PKIG: variants seen among roughly 807,000 people sequenced by gnomAD.
PKIG encodes cAMP-dependent protein kinase inhibitor gamma.
A neutral mutation model predicts 6.8 loss-of-function variants in PKIG; 1 was observed. The observed-to-expected ratio is 0.15, with a 90% CI of 0.05 to 0.69. The LOEUF is 0.69. PKIG is among the 30% of genes least tolerant of loss of function. PKIG has a pLI of 0.82. For synonymous variants in PKIG, 39 were observed against 43.0 expected (o/e 0.91, Z 0.36); for missense variants, 77 against 104.0 (o/e 0.74, Z 1.13).
intron 2 of PKIG, among the ~76,000 whole-genome samples, chr20:44,597,907 C>T (rs978307467): frequency 1.3e-5 from 2 of 152,242 alleles, no homozygotes; most frequent in African/African-American, 2.4e-5. Context: ...GAGATTGCTT[C>T]AGTTATCCAC....
In PKIG at chr20:44,587,462, CA is replaced by C. The variant is rs2064999440; in HGVS notation, c.-93-2331del. ...GAGGGGTGGAAAGAACACTTCCTTA[CA>C]AAATGTATGGGCCCCACCTGAGAGG... On this transcript the variant is annotated intron_variant, in intron 1 of 3. Coordinates refer to ENST00000372886, the MANE Select transcript of PKIG (RefSeq NM_001281445.2). Among the ~76,000 whole-genome samples, 3 of 152,296 alleles carry C rather than the reference CA, an allele frequency of 2.0e-5. No homozygotes were observed. The South Asian group carries it at 6.2e-4, about 32-fold the overall frequency.
chr20:44,565,334 G>A (rs1003190352), intron 1 of PKIG, among the ~76,000 whole-genome samples: 1 of 152,222 alleles, frequency 6.6e-6, no homozygotes, highest in Non-Finnish European at 1.5e-5. Flanking sequence ...TATAATAGAA[G>A]TGTTATTGGG....
intron 1 of PKIG, among the ~76,000 whole-genome samples, chr20:44,563,434 G>A (rs1412186774): frequency 6.6e-6 from 1 of 152,062 alleles, no homozygotes; most frequent in African/African-American, 2.4e-5. Context: ...AACAAGGATG[G>A]TTTGTTTCTG....
intron 3 of PKIG, among the ~76,000 whole-genome samples, chr20:44,617,919 A>G (rs1317929843): frequency 2.0e-5 from 3 of 151,776 alleles, no homozygotes; most frequent in Non-Finnish European, 2.9e-5. Flanking sequence ...AAACAAACAG[A>G]ACAGCTGCCA....
chr20:44,547,755 C>T (rs747755702), intron 1 of PKIG, among the ~76,000 whole-genome samples: 5 of 152,142 alleles, frequency 3.3e-5, no homozygotes, highest in African/African-American at 7.2e-5. Flanking sequence ...ATAGCATTGG[C>T]GGGGCGCGGT....
Position 44,618,408 on chromosome 20 carries a change from C to T in PKIG, c.*44C>T. On this transcript the variant is annotated 3_prime_UTR_variant, in exon 4 of 4. Coordinates refer to ENST00000372886, the MANE Select transcript of PKIG (RefSeq NM_001281445.2). ...AGGCTGGACGAGAGACCTTCTGTCC[C>T]CTCCCAGAGGGGGAACCCTGGCACT... 7.5e-7 allele frequency: 1 copy of T among 1,332,820 alleles called. No homozygotes were observed. The highest frequency in any genetic ancestry group is 1.1e-6 in the Non-Finnish European group (1 of 923,226). The allele number at this position is 1,332,820 out of a possible 1,614,324, so 82.6% of individuals were successfully genotyped here. A position where few individuals can be genotyped will look rare whatever the true frequency, so the allele number is the denominator to read the frequency against.
intron 2 of PKIG, among the ~76,000 whole-genome samples, chr20:44,595,038 G>C (rs1487870470): frequency 1.3e-5 from 2 of 152,164 alleles, no homozygotes; most frequent in African/African-American, 2.4e-5. Flanking sequence ...CGGCTCCCAG[G>C]ACTCTTTTTC....
chr20:44,588,479 T>TA (rs545295437), intron 1 of PKIG, among the ~76,000 whole-genome samples: 5 of 151,950 alleles, frequency 3.3e-5, no homozygotes, highest in Non-Finnish European at 7.4e-5. Context: ...CCGTCTGTAC[T>TA]AAAAAAATAC....
At chr20:44,550,190 C>A (rs1049099093) in intron 1 of PKIG, among the ~76,000 whole-genome samples, 14 of 148,076 alleles carry the variant, frequency 9.5e-5, no homozygotes, top group African/African-American at 3.5e-4. Flanking sequence ...CTCACACAAG[C>A]GTTGTTAGAT....
At chr20:44,617,320 A>C (rs111309910) in intron 3 of PKIG, among the ~76,000 whole-genome samples, 4,090 of 152,134 alleles carry the variant, frequency 0.027, 197 homozygotes, top group Admixed American at 0.14. Context: ...GGGGTTTAAG[A>C]ATGTACCACC....
intron 1 of PKIG, among the ~76,000 whole-genome samples, chr20:44,541,695 CT>C (rs554662358): frequency 2.0e-3 from 274 of 134,698 alleles, no homozygotes; most frequent in Middle Eastern, 4.0e-3. Flanking sequence ...TCTTTAGGTT[CT>C]TTTTTTTTTT....
chr20:44,558,559 C>CTTTT, intron 1 of PKIG, among the ~76,000 whole-genome samples: 2 of 148,194 alleles, frequency 1.3e-5, no homozygotes, highest in African/African-American at 5.1e-5. Flanking sequence ...ATTTCTTTTT[C>CTTTT]TTTCTTTTTT....
intron 1 of PKIG, among the ~76,000 whole-genome samples, chr20:44,562,901 A>G (rs1233149926): frequency 6.6e-6 from 1 of 152,170 alleles, no homozygotes. Flanking sequence ...TCTACTAAAA[A>G]TACAAAAATT....
In PKIG at chr20:44,618,688, C is replaced by T. The variant is rs551104735; in HGVS notation, c.*324C>T. Reference sequence around the variant, plus strand: ...AGTGAGCAGCCCACACAGGAACGCTCCTCTCGCGAGCGGCCCGGGCAGGGA... The same window carrying T: ...AGTGAGCAGCCCACACAGGAACGCTTCTCTCGCGAGCGGCCCGGGCAGGGA... On this transcript the variant is annotated 3_prime_UTR_variant, in exon 4 of 4. Transcript: ENST00000372886. 1.3e-4 allele frequency: 33 copies of T among 248,608 alleles called. No individual in the cohort carries two copies. In the South Asian group the frequency reaches 1.9e-3, roughly 14 times the overall value. The allele number at this position is 248,608 out of a possible 1,614,324, so 15.4% of individuals were successfully genotyped here.
At chr20:44,552,464 T>C (rs1195379745) in intron 1 of PKIG, among the ~76,000 whole-genome samples, 3 of 152,214 alleles carry the variant, frequency 2.0e-5, no homozygotes, top group Non-Finnish European at 2.9e-5. Context: ...TTCTTGATAA[T>C]TGGAGTAGCC....
At chr20:44,576,184 TG>T (rs1600865611) in intron 1 of PKIG, among the ~76,000 whole-genome samples, 1 of 151,820 alleles carries the variant, frequency 6.6e-6, no homozygotes, top group East Asian at 1.9e-4. Flanking sequence ...TGTGTGTGTG[TG>T]TGTGTGTGTG....
intron 2 of PKIG, among the ~76,000 whole-genome samples, chr20:44,590,099 CAGAA>C (rs1333297718): frequency 1.3e-5 from 2 of 151,738 alleles, no homozygotes; most frequent in Admixed American, 6.6e-5. Context: ...TTAATAGCAT[CAGAA>C]AGAAAATTTA....
At chr20:44,592,843 G>C (rs576826551) in intron 2 of PKIG, among the ~76,000 whole-genome samples, 1 of 152,286 alleles carries the variant, frequency 6.6e-6, no homozygotes, top group Admixed American at 6.5e-5. Context: ...AATCTGCCCA[G>C]TAGAATCAAT....
At chr20:44,605,482 T>C (rs537997001) in intron 2 of PKIG, among the ~76,000 whole-genome samples, 7 of 152,058 alleles carry the variant, frequency 4.6e-5, no homozygotes, top group African/African-American at 1.7e-4. Context: ...TGATAGCTTT[T>C]TACATCAATG....
Sources: allele counts gnomAD v4.1 joint callset (sites outside exome capture counted in the v4.1 genomes callset), GRCh38; gene constraint gnomAD v4.1.1; transcripts MANE v1.5; gene names NCBI Gene and HGNC (gene_info 2026-07-23, HGNC 2026-07-21).